Variants in DCC observed in about 807,000 individuals in gnomAD.
DCC encodes the protein DCC netrin 1 receptor, also known as netrin receptor DCC.
A neutral mutation model predicts 172.5 loss-of-function variants in DCC; 58 were observed. That is an observed-to-expected ratio of 0.34 (90% CI 0.27 to 0.42). DCC has a LOEUF of 0.42. Among genes scored for constraint, DCC ranks in the 10% least tolerant of loss-of-function variants. DCC has a pLI of 1.00. For missense variants in DCC, 1,740 were observed against 1,791.0 expected (o/e 0.97, Z 0.51); for synonymous variants, 709 against 644.5 (o/e 1.10, Z -1.52).
chr18:53,484,684 C>T lies in DCC; in HGVS notation c.3737-2113C>T, dbSNP rs1288435132. 5.3e-5 allele frequency among the ~76,000 whole-genome samples: 8 copies of T among 152,030 alleles called. No homozygotes were observed. In the South Asian group the frequency reaches 1.7e-3, roughly 32 times the overall value. On this transcript the variant is annotated intron_variant, in intron 25 of 28. Coordinates refer to ENST00000442544, the MANE Select transcript of DCC (RefSeq NM_005215.4). ...CCCCCAGCACCATTTATGGAAGAGA[C>T]TATACCTTTTTAACATAATTTCTAA...
chr18:52,964,648 G>A (rs960870147), intron 5 of DCC, among the ~76,000 whole-genome samples: 1 of 151,992 alleles, frequency 6.6e-6, no homozygotes, highest in African/African-American at 2.4e-5. Context: ...TAAATGTTTA[G>A]GTCATTCCAG....
In DCC at chr18:53,003,829, G is replaced by T. The variant is rs141377720; in HGVS notation, c.986-59476G>T. ...TCTTTAATATTCACCTTCTGCTAAGGCATGCATGAGTGATTAGTGTTCATA... is the reference window on the plus strand; with the variant it reads ...TCTTTAATATTCACCTTCTGCTAAGTCATGCATGAGTGATTAGTGTTCATA... On this transcript the variant is annotated intron_variant, in intron 5 of 28. Coordinates refer to ENST00000442544, the MANE Select transcript of DCC (RefSeq NM_005215.4). Among the ~76,000 whole-genome samples the T allele has an allele frequency of 1.6e-3, 237 of 152,112 alleles. 1 individual carries two copies. The highest frequency in any genetic ancestry group is 5.4e-3 in the African/African-American group (225 of 41,494).
At chr18:52,500,271 G>A (rs149624344) in intron 1 of DCC, among the ~76,000 whole-genome samples, 3 of 152,090 alleles carry the variant, frequency 2.0e-5, no homozygotes, top group Admixed American at 1.3e-4. Context: ...CTCAAGTCAG[G>A]GGAGCAAGGA....
intron 7 of DCC, among the ~76,000 whole-genome samples, chr18:53,081,908 C>T (rs1421724475): frequency 6.6e-6 from 1 of 152,000 alleles, no homozygotes; most frequent in African/African-American, 2.4e-5. Flanking sequence ...GAATTGGGGA[C>T]AGTTAAGGGT....
At position 52,490,302 on chromosome 18, in the gene DCC, A is replaced by G. The variant is rs2144602354; in HGVS notation, c.91+149424A>G. 1.3e-5 allele frequency among the ~76,000 whole-genome samples: 2 copies of G among 152,246 alleles called. 1 individual carries two copies. The highest frequency in any genetic ancestry group is 1.3e-4 in the Admixed American group (2 of 15,266). ...AGGAAGTTTTCCTCTTGCAAAAGAGATGACCCTGCTTAAGAAACAATAGCC... is the reference window on the plus strand; with the variant it reads ...AGGAAGTTTTCCTCTTGCAAAAGAGGTGACCCTGCTTAAGAAACAATAGCC... On this transcript the variant is annotated intron_variant, in intron 1 of 28. Transcript: ENST00000442544.
chr18:53,339,254 G>C (rs2057627320), intron 14 of DCC, among the ~76,000 whole-genome samples: 1 of 152,216 alleles, frequency 6.6e-6, no homozygotes, highest in Middle Eastern at 3.4e-3. Context: ...GCCCTTAACT[G>C]TTTCTCCTGA....
chr18:53,211,681 G>A (rs1275906516), intron 11 of DCC, among the ~76,000 whole-genome samples: 4 of 151,790 alleles, frequency 2.6e-5, no homozygotes, highest in Non-Finnish European at 1.5e-5. Flanking sequence ...CCGAGATCGT[G>A]CCTCTGCACT....
intron 5 of DCC, among the ~76,000 whole-genome samples, chr18:53,038,448 T>C (rs1599054914): frequency 6.6e-6 from 1 of 151,920 alleles, no homozygotes; most frequent in East Asian, 1.9e-4. Flanking sequence ...TACCTCCAAA[T>C]ACCATTACTT....
intron 2 of DCC, among the ~76,000 whole-genome samples, chr18:52,875,016 A>C (rs2039381304): frequency 6.6e-6 from 1 of 152,120 alleles, no homozygotes; most frequent in South Asian, 2.1e-4. Context: ...TGACTAAGGC[A>C]GAGGAATATT....
intron 12 of DCC, among the ~76,000 whole-genome samples, chr18:53,301,704 G>A (rs895222630): frequency 1.3e-5 from 2 of 151,712 alleles, no homozygotes. Context: ...ATCATTTGTA[G>A]ATATCATCTA....
intron 5 of DCC, among the ~76,000 whole-genome samples, chr18:52,974,262 C>T (rs1021766334): frequency 3.3e-5 from 5 of 152,096 alleles, no homozygotes; most frequent in African/African-American, 1.2e-4. Context: ...ACGTAGGTAG[C>T]ATAATGTCCT....
intron 7 of DCC, among the ~76,000 whole-genome samples, chr18:53,067,436 C>T (rs534077313): frequency 3.3e-5 from 5 of 152,178 alleles, no homozygotes; most frequent in African/African-American, 1.2e-4. Flanking sequence ...GCAGAACAAT[C>T]GTTTGAGCCC....
intron 2 of DCC, among the ~76,000 whole-genome samples, chr18:52,890,996 G>C (rs1248131080): frequency 2.0e-5 from 3 of 152,078 alleles, no homozygotes; most frequent in Non-Finnish European, 4.4e-5. Flanking sequence ...TTGGGAACCA[G>C]AGTTCTATCT....
At chr18:52,777,962 T>A (rs1034065169) in intron 2 of DCC, among the ~76,000 whole-genome samples, 1 of 152,064 alleles carries the variant, frequency 6.6e-6, no homozygotes, top group African/African-American at 2.4e-5. Context: ...TGAAAGATTA[T>A]CTAATCTTGA....
chr18:52,844,663 A>G (rs2038858226), intron 2 of DCC, among the ~76,000 whole-genome samples: 1 of 152,168 alleles, frequency 6.6e-6, no homozygotes, highest in African/African-American at 2.4e-5. Context: ...AAAAGAAGTG[A>G]CACAAATACA....
intron 7 of DCC, among the ~76,000 whole-genome samples, chr18:53,091,291 C>T (rs767043035): frequency 6.9e-6 from 1 of 145,766 alleles, no homozygotes; most frequent in African/African-American, 2.6e-5. Flanking sequence ...AAGAGAATAA[C>T]ATGAAAAGAA....
chr18:52,773,932 G>A (rs1415594788), intron 2 of DCC, among the ~76,000 whole-genome samples: 1 of 152,146 alleles, frequency 6.6e-6, no homozygotes, highest in Admixed American at 6.5e-5. Flanking sequence ...ATGAATCAAG[G>A]CTGTTGAAGC....
chr18:52,853,058 C>A (rs183969559), intron 2 of DCC, among the ~76,000 whole-genome samples: 1 of 152,190 alleles, frequency 6.6e-6, no homozygotes, highest in East Asian at 1.9e-4. Context: ...TATAATTTAG[C>A]TTGATTTTTA....
At chr18:52,724,930 G>C (rs1268547081) in intron 1 of DCC, among the ~76,000 whole-genome samples, 5 of 152,076 alleles carry the variant, frequency 3.3e-5, no homozygotes, top group Non-Finnish European at 5.9e-5. Flanking sequence ...TCTCTTCCAG[G>C]GATGTTTCCA....
Sources: gnomAD v4.1 joint callset for allele counts (sites outside exome capture counted in the v4.1 genomes callset) on GRCh38, gnomAD v4.1.1 for gene constraint, MANE v1.5 for transcripts, NCBI Gene and HGNC (gene_info 2026-07-23, HGNC 2026-07-21) for gene names.